Variants in RABGAP1L observed in about 807,000 individuals in gnomAD.
RABGAP1L encodes RAB GTPase activating protein 1 like, also known as rab GTPase-activating protein 1-like.
In RABGAP1L, 63 loss-of-function variants were observed where a neutral mutation model predicts 137.7. That is an observed-to-expected ratio of 0.46 (90% CI 0.37 to 0.56). RABGAP1L has a LOEUF of 0.56. Ranked by LOEUF, RABGAP1L falls within the 20% of genes least tolerant of loss-of-function variation. RABGAP1L has a pLI of 0.00. For synonymous variants in RABGAP1L, 431 were observed against 433.7 expected, an observed-to-expected ratio of 0.99 and a Z score of 0.08; for missense variants, 1,095 against 1,244.0, an observed-to-expected ratio of 0.88 and a Z score of 1.80.
At chr1:174,196,263 G>A (rs1435800508) in intron 1 of RABGAP1L, among the ~76,000 whole-genome samples, 5 of 140,470 alleles carry the variant, frequency 3.6e-5, no homozygotes, top group East Asian at 2.1e-4. Context: ...TTGCTCTGTC[G>A]CCCAGGCTGG....
intron 19 of RABGAP1L, among the ~76,000 whole-genome samples, chr1:174,831,093 A>G (rs1251150850): frequency 1.4e-5 from 2 of 148,078 alleles, no homozygotes; most frequent in African/African-American, 4.9e-5. Flanking sequence ...TAATTTGACA[A>G]TACTTTGGTA....
Position 174,459,451 on chromosome 1 carries a change from C to T in RABGAP1L, c.1710+65306C>T, listed in dbSNP as rs116362919. ...CTGTGTGGGATTGGTTCCGGGATGC[C>T]CCAAGGATACCAAAATCCACAGATG... On this transcript the variant is annotated intron_variant, in intron 13 of 25. Transcript: ENST00000681986. Among the ~76,000 whole-genome samples, 1,436 of 152,104 alleles carry T rather than the reference C, an allele frequency of 9.4e-3. 23 individuals carry two copies. Among genetic ancestry groups the T allele is most frequent in the African/African-American group, 0.033 (1,378 of 41,502 alleles).
chr1:174,817,864 A>G (rs905522189), intron 19 of RABGAP1L, among the ~76,000 whole-genome samples: 5 of 152,192 alleles, frequency 3.3e-5, no homozygotes, highest in Admixed American at 2.6e-4. Flanking sequence ...TAAAATTAAC[A>G]GATTTTAGTG....
chr1:174,804,012 C>T (rs1689007156), intron 18 of RABGAP1L, among the ~76,000 whole-genome samples: 1 of 151,756 alleles, frequency 6.6e-6, no homozygotes, highest in South Asian at 2.1e-4. Flanking sequence ...AGGTGGGATG[C>T]ACCACTGCAC....
chr1:174,460,622 A>G (rs1656575036), intron 13 of RABGAP1L, among the ~76,000 whole-genome samples: 1 of 152,150 alleles, frequency 6.6e-6, no homozygotes, highest in South Asian at 2.1e-4. Flanking sequence ...ATTTATGTAT[A>G]TTGCCAAATT....
At chr1:174,549,547 G>A (rs1443745773) in intron 13 of RABGAP1L, among the ~76,000 whole-genome samples, 3 of 152,156 alleles carry the variant, frequency 2.0e-5, no homozygotes, top group Non-Finnish European at 2.9e-5. Context: ...CTAAATTTTA[G>A]AAGTATGTAG....
chr1:174,400,854 A>C (rs1158178955), intron 13 of RABGAP1L, among the ~76,000 whole-genome samples: 1 of 152,110 alleles, frequency 6.6e-6, no homozygotes, highest in Non-Finnish European at 1.5e-5. Context: ...TGAACATAGA[A>C]TAGGGCCGGG....
intron 14 of RABGAP1L, among the ~76,000 whole-genome samples, chr1:174,645,399 C>A (rs1185899911): frequency 6.6e-6 from 1 of 150,884 alleles, no homozygotes; most frequent in African/African-American, 2.4e-5. Flanking sequence ...GCCCCCCACC[C>A]CCCAACAGGC....
intron 13 of RABGAP1L, among the ~76,000 whole-genome samples, chr1:174,529,330 T>C (rs1276404992): frequency 6.6e-6 from 1 of 152,216 alleles, no homozygotes; most frequent in Non-Finnish European, 1.5e-5. Flanking sequence ...TCTATGATGT[T>C]GGTTTTTTAG....
At chr1:174,870,142 G>A (rs1651945726) in intron 19 of RABGAP1L, among the ~76,000 whole-genome samples, 1 of 152,150 alleles carries the variant, frequency 6.6e-6, no homozygotes, top group Non-Finnish European at 1.5e-5. Flanking sequence ...TTCAATGACT[G>A]GCTTTGGCCT....
At chr1:174,281,302 A>G (rs1214531300) in intron 10 of RABGAP1L, among the ~76,000 whole-genome samples, 1 of 152,044 alleles carries the variant, frequency 6.6e-6, no homozygotes, top group African/African-American at 2.4e-5. Context: ...TCCATTTTAC[A>G]GAGCGCTGAT....
chr1:174,982,935 T>C, intron 24 of RABGAP1L, 30 bp downstream of exon 24: 3 of 1,548,432 alleles, frequency 1.9e-6, no homozygotes, highest in Non-Finnish European at 2.6e-6. Context: ...TGTGATAAAA[T>C]TTATTTCAAA....
At chr1:174,539,095 T>TTAC (rs1665137484) in intron 13 of RABGAP1L, among the ~76,000 whole-genome samples, 1 of 152,052 alleles carries the variant, frequency 6.6e-6, no homozygotes, top group Non-Finnish European at 1.5e-5. Flanking sequence ...GAGCTCCTAT[T>TTAC]TACAGTATAG....
chr1:174,583,339 C>T (rs962524141), intron 13 of RABGAP1L, among the ~76,000 whole-genome samples: 12 of 152,098 alleles, frequency 7.9e-5, no homozygotes, highest in African/African-American at 2.9e-4. Context: ...CTCTTCTTTC[C>T]TGCCCATCTG....
At chr1:174,957,721 AC>A in intron 20 of RABGAP1L, 172 bp downstream of exon 20, 1 of 764,662 alleles carries the variant, frequency 1.3e-6, no homozygotes, top group Non-Finnish European at 2.1e-6. Flanking sequence ...CCAGCAAAGT[AC>A]CTTTTTTTTT....
intron 13 of RABGAP1L, among the ~76,000 whole-genome samples, chr1:174,453,104 A>G (rs1293636658): frequency 6.6e-6 from 1 of 152,242 alleles, no homozygotes; most frequent in Non-Finnish European, 1.5e-5. Context: ...GATTAAAGAT[A>G]TCCAGCAAGC....
At chr1:174,624,226 T>A (rs1182672207) in intron 13 of RABGAP1L, among the ~76,000 whole-genome samples, 1 of 152,218 alleles carries the variant, frequency 6.6e-6, no homozygotes, top group Non-Finnish European at 1.5e-5. Context: ...GTAGGTTTTG[T>A]TGAGCCCAGC....
At chr1:174,198,769 G>A (rs894952244) in intron 1 of RABGAP1L, among the ~76,000 whole-genome samples, 17 of 152,206 alleles carry the variant, frequency 1.1e-4, no homozygotes, top group Admixed American at 1.0e-3. Flanking sequence ...CAACTAGCAG[G>A]TGTCTTGGCT....
chr1:174,244,392 T>A (rs1672079292), intron 5 of RABGAP1L: 1 of 152,244 alleles, frequency 6.6e-6, no homozygotes, highest in Admixed American at 6.5e-5. Flanking sequence ...CTGTGATGCT[T>A]ATTTCACTAT....
Sources: allele counts gnomAD v4.1 joint callset (sites outside exome capture counted in the v4.1 genomes callset), GRCh38; gene constraint gnomAD v4.1.1; transcripts MANE v1.5; gene names NCBI Gene and HGNC (gene_info 2026-07-23, HGNC 2026-07-21).